PSG7: variants seen among roughly 807,000 people sequenced by gnomAD.
PSG7 encodes pregnancy-specific beta-1-glycoprotein 7.
In PSG7, 57 loss-of-function variants were observed where a neutral mutation model predicts 45.6. That is an observed-to-expected ratio of 1.25 (90% CI 1.01 to 1.56). The LOEUF (loss-of-function observed/expected upper bound fraction) is 1.56. Ranked by LOEUF, PSG7 falls within the 40% of genes most tolerant of loss-of-function variation. PSG7 has a pLI of 0.00. For missense variants in PSG7, 796 were observed against 508.4 expected (o/e 1.57, Z -5.44); for synonymous variants, 298 against 194.4 (o/e 1.53, Z -4.43).
chr19:42,936,875 C>A, intron 1 of PSG7, 138 bp downstream of exon 1: 1 of 1,334,046 alleles, frequency 7.5e-7, no homozygotes, highest in Non-Finnish European at 1.0e-6. Context: ...TCTTGAACTC[C>A]TGATCTCTTG....
chr19:42,928,039 A>G (rs1014928571), intron 3 of PSG7, among the ~76,000 whole-genome samples: 5 of 151,702 alleles, frequency 3.3e-5, no homozygotes, highest in African/African-American at 1.2e-4. Flanking sequence ...ATTAGTAGGC[A>G]TAAGTGGGAG....
Position 42,926,031 on chromosome 19 carries a change from G to A in PSG7, c.989-4C>T, listed in dbSNP as rs201761784. 66 of 1,611,054 alleles carry A rather than the reference G, an allele frequency of 4.1e-5. 3 individuals are homozygous for A. In the South Asian group the frequency reaches 7.2e-4, roughly 18 times the overall value. On this transcript the variant is annotated splice_region_variant and splice_polypyrimidine_tract_variant and intron_variant, in intron 4 of 5. Transcript: ENST00000406070. ...ATTCTGGGGAGGTCTGGACCATCTG[G>A]AGGAAAGAGAATAAAGCCACAGGTG...
chr19:42,926,583 C>G lies in PSG7; in HGVS notation c.843G>C (p.Pro281=). ...YIWWLNGQSL[P]VSPRVKRRIE... is the part of the protein sequence containing the mutation. Reference sequence around the variant, plus strand: ...TGCGTCGCTTTACCCTGGGACTGACCGGGAGGCTCTGACCATTTAGCCACC... The same window carrying G: ...TGCGTCGCTTTACCCTGGGACTGACGGGGAGGCTCTGACCATTTAGCCACC... Residue 281 remains proline (P), a synonymous_variant, in exon 4 of 6, where the codon CCG becomes CCC. Coordinates refer to ENST00000406070, the MANE Select transcript of PSG7 (RefSeq NM_002783.3). The G allele has an allele frequency of 6.2e-7, 1 of 1,610,124 alleles. No homozygotes were observed. The highest frequency in any genetic ancestry group is 2.2e-5 in the East Asian group (1 of 44,812).
rs377557265 is a variant in PSG7 at position 42,929,647 on chromosome 19, G to T, written c.504C>A (p.Thr168=). The change falls in exon 3 of 6, where the codon ACC becomes ACA. Residue 168 remains threonine, a synonymous_variant. Transcript: ENST00000406070. ...TTGCATCTGGAGTCTCAGGATCACA[G>T]GTTAAAATCACAGCCTCCGTGGCCT... ...PREATEAVIL[T]CDPETPDASY... The T allele has an allele frequency of 6.2e-7, 1 of 1,612,552 alleles. No individual in the cohort carries two copies. Among genetic ancestry groups the T allele is most frequent in the East Asian group, 2.2e-5 (1 of 44,794 alleles).
chr19:42,930,696 T>C lies in PSG7; in HGVS notation c.431-976A>G, dbSNP rs1270966003. 2.0e-5 allele frequency among the ~76,000 whole-genome samples: 3 copies of C among 151,550 alleles called. 1 individual carries two copies. Among genetic ancestry groups the C allele is most frequent in the Admixed American group, 1.3e-4 (2 of 15,174 alleles). ...ACCCTCTGATTCTGAGTTTGACTAC[T>C]CTATGTACCTCATATCAGTGGATTC... On this transcript the variant is annotated intron_variant, in intron 2 of 5. Coordinates refer to ENST00000406070, the MANE Select transcript of PSG7 (RefSeq NM_002783.3).
intron 2 of PSG7, among the ~76,000 whole-genome samples, chr19:42,934,149 C>T (rs376943312): frequency 6.6e-6 from 1 of 151,372 alleles, no homozygotes; most frequent in Non-Finnish European, 1.5e-5. Flanking sequence ...GACATGGGAA[C>T]TTTGGGAAAC....
intron 1 of PSG7, chr19:42,936,625 A>G (rs553529176): frequency 2.9e-5 from 6 of 206,298 alleles, no homozygotes; most frequent in Admixed American, 2.7e-4. Context: ...GCTCCAACAG[A>G]GCCTTCTTTC....
At position 42,926,599 on chromosome 19, in the gene PSG7, T is replaced by C. The variant is rs1972897036; in HGVS notation, c.827A>G (p.Asn276Ser). The change falls in exon 4 of 6, where the codon AAT becomes AGT. Residue 276 changes from asparagine (N) to serine (S), a missense_variant. Coordinates refer to ENST00000406070, the MANE Select transcript of PSG7 (RefSeq NM_002783.3). Reference protein sequence around the residue: ...SENYTYIWWLNGQSLPVSPRV... With the variant: ...SENYTYIWWLSGQSLPVSPRV... ...GGGACTGACCGGGAGGCTCTGACCA[T>C]TTAGCCACCAAATGTAGGTGTAGTT... The C allele has an allele frequency of 1.9e-6, 3 of 1,610,150 alleles. No homozygotes were observed. Among genetic ancestry groups the C allele is most frequent in the African/African-American group, 1.3e-5 (1 of 74,574 alleles).
chr19:42,928,671 T>C (rs1251238845), intron 3 of PSG7, among the ~76,000 whole-genome samples: 1 of 151,280 alleles, frequency 6.6e-6, no homozygotes, highest in Non-Finnish European at 1.5e-5. Flanking sequence ...AGAAATATAT[T>C]CCCTTTCCTG....
rs527480800 is a variant in PSG7 at position 42,926,774 on chromosome 19, C to T, written c.710-58G>A. ...GTGGCACCTTTGATTCCTCCACAGG[C>T]ATCCTTCAATTAGAGTTGGCATCTC... On this transcript the variant is annotated intron_variant, in intron 3 of 5. Coordinates refer to ENST00000406070, the MANE Select transcript of PSG7 (RefSeq NM_002783.3). 209 of 1,592,990 alleles carry T rather than the reference C, an allele frequency of 1.3e-4. 11 individuals carry two copies. In the South Asian group the frequency reaches 1.8e-3, roughly 14 times the overall value.
intron 3 of PSG7, 60 bp downstream of exon 3, chr19:42,929,382 C>T: frequency 2.5e-6 from 4 of 1,611,044 alleles, no homozygotes; most frequent in East Asian, 2.2e-5. Context: ...AGAAGCCCGG[C>T]CTCTGGCCAT....
intron 2 of PSG7, among the ~76,000 whole-genome samples, chr19:42,933,307 A>ATATATATATTTT (rs56691588): frequency 5.9e-4 from 8 of 13,506 alleles, no homozygotes; most frequent in African/African-American, 7.0e-4. Context: ...ATATATATAT[A>ATATATATATTTT]TTTTTTTTTT....
chr19:42,934,712 C>T (rs1450136673), intron 2 of PSG7, among the ~76,000 whole-genome samples: 1 of 151,704 alleles, frequency 6.6e-6, no homozygotes, highest in East Asian at 1.9e-4. Context: ...TCTTCTGTTT[C>T]TGCTTCTGGG....
At chr19:42,929,935 C>G (rs532390479) in intron 2 of PSG7, among the ~76,000 whole-genome samples, 1 of 151,480 alleles carries the variant, frequency 6.6e-6, no homozygotes, top group Non-Finnish European at 1.5e-5. Flanking sequence ...TGGACTTTCT[C>G]AAGTGTGAAT....
rs370284670 is a variant in PSG7, at chr19:42,937,070, G to T, written c.7C>A (p.Pro3Thr). ...TGTGTGCAGGGAGGGGCTGAGAGGGGCCCCATGGTCTCTGCTCCCTGCGTG... is the reference window on the plus strand; with the variant it reads ...TGTGTGCAGGGAGGGGCTGAGAGGGTCCCCATGGTCTCTGCTCCCTGCGTG... MGPLSAPPCTQHI... is the reference protein window; with the variant it reads MGTLSAPPCTQHI... The change falls in exon 1 of 6, where the codon CCC becomes ACC. Residue 3 changes from proline to threonine, a missense_variant. Pro to Thr is a conservative substitution (Grantham distance 38). Transcript: ENST00000406070. 40 of 1,611,160 alleles carry T rather than the reference G, an allele frequency of 2.5e-5. 2 individuals are homozygous for T. The highest frequency in any genetic ancestry group is 2.4e-4 in the South Asian group (22 of 90,782).
In PSG7 at chr19:42,924,467, G is replaced by C. The variant is rs1206125338; in HGVS notation, c.*341C>G. ...CCTATACTACATGTGAAATTCTAAT[G>C]ACTGCATTATCCTGCCAAGTGAAAG... On this transcript the variant is annotated 3_prime_UTR_variant, in exon 6 of 6. Transcript: ENST00000406070. The C allele has an allele frequency of 5.6e-6, 3 of 536,362 alleles. No individual in the cohort carries two copies. Among genetic ancestry groups the C allele is most frequent in the Admixed American group, 6.5e-5 (2 of 30,626 alleles). 33.2% of individuals were successfully genotyped at this position (536,362 alleles called of 1,614,324 possible).
chr19:42,926,198 T>C, intron 4 of PSG7, 171 bp from the exon 5 acceptor site: 3 of 1,399,306 alleles, frequency 2.1e-6, no homozygotes, highest in South Asian at 2.9e-5. Flanking sequence ...GTTTCTCCCA[T>C]CACAAGCTGT....
At chr19:42,932,085 A>G (rs1047408678) in intron 2 of PSG7, among the ~76,000 whole-genome samples, 6 of 151,118 alleles carry the variant, frequency 4.0e-5, no homozygotes, top group African/African-American at 1.5e-4. Context: ...GTGCAGTGGC[A>G]TGATCTCAGC....
At position 42,926,682 on chromosome 19, in the gene PSG7, G is replaced by A. The variant is rs550262219; in HGVS notation, c.744C>T (p.Asn248=). 3 of 1,610,438 alleles carry A rather than the reference G, an allele frequency of 1.9e-6. No individual in the cohort carries two copies. The African/African-American group carries it at 4.0e-5, about 22-fold the overall frequency. Residue 248 remains asparagine, a synonymous_variant, in exon 4 of 6, where the codon AAC becomes AAT. Coordinates refer to ENST00000406070, the MANE Select transcript of PSG7 (RefSeq NM_002783.3). ...CATCCTTATTCTCCCTGGGGTTTAAGTTATTGATGGTGATGTAGGGCTTGG... is the reference window on the plus strand; with the variant it reads ...CATCCTTATTCTCCCTGGGGTTTAAATTATTGATGGTGATGTAGGGCTTGG... ...KLPKPYITIN[N]LNPRENKDVS... is the part of the protein sequence containing the mutation.
Sources: allele counts gnomAD v4.1 joint callset (sites outside exome capture counted in the v4.1 genomes callset), GRCh38; gene constraint gnomAD v4.1.1; transcripts MANE v1.5; gene names NCBI Gene and HGNC (gene_info 2026-07-23, HGNC 2026-07-21).